Variants in DLG2 observed in about 807,000 individuals in gnomAD.
The protein encoded by DLG2 is discs large MAGUK scaffold protein 2.
DLG2 carries 45 observed loss-of-function variants against 132.5 expected under a neutral mutation model. That is an observed-to-expected ratio of 0.34 (90% confidence interval 0.27 to 0.44). The LOEUF (loss-of-function observed/expected upper bound fraction) is 0.44. DLG2 is among the 20% of genes least tolerant of loss of function. The pLI, the probability that DLG2 is intolerant of heterozygous loss-of-function variation, is 1.00. For synonymous variants in DLG2, 424 were observed against 419.6 expected, an observed-to-expected ratio of 1.01 and a Z score of -0.13; for missense variants, 1,045 against 1,196.9, an observed-to-expected ratio of 0.87 and a Z score of 1.87.
At chr11:85,440,670 T>C (rs2153029422) in intron 3 of DLG2, among the ~76,000 whole-genome samples, 1 of 152,354 alleles carries the variant, frequency 6.6e-6, no homozygotes, top group South Asian at 2.1e-4. Context: ...ATAGTGATGA[T>C]TACTTATTTT....
intron 3 of DLG2, among the ~76,000 whole-genome samples, chr11:85,378,623 A>G (rs2085624578): frequency 6.6e-6 from 1 of 152,088 alleles, no homozygotes; most frequent in South Asian, 2.1e-4. Flanking sequence ...AATCTAACTG[A>G]TTTTTATACA....
intron 12 of DLG2, among the ~76,000 whole-genome samples, chr11:83,976,806 T>A (rs2092288123): frequency 6.6e-6 from 1 of 151,916 alleles, no homozygotes; most frequent in South Asian, 2.1e-4. Flanking sequence ...ATTTTCGAAA[T>A]CATTTTTTTT....
chr11:84,152,202 T>C (rs2095312633), intron 9 of DLG2, among the ~76,000 whole-genome samples: 2 of 152,196 alleles, frequency 1.3e-5, no homozygotes, highest in East Asian at 1.9e-4. Context: ...TAGAAGTACC[T>C]GTTTTACAAA....
chr11:85,402,255 T>C (rs1238658632), intron 3 of DLG2, among the ~76,000 whole-genome samples: 2 of 152,154 alleles, frequency 1.3e-5, no homozygotes, highest in Non-Finnish European at 2.9e-5. Flanking sequence ...GATTCTCTAT[T>C]TAATAAATAG....
chr11:85,156,710 A>G (rs1009801271), intron 4 of DLG2, among the ~76,000 whole-genome samples: 4 of 152,206 alleles, frequency 2.6e-5, no homozygotes, highest in Admixed American at 2.0e-4. Context: ...AATTGGATCC[A>G]TCATCATACT....
intron 18 of DLG2, among the ~76,000 whole-genome samples, chr11:83,748,969 C>G (rs1242132516): frequency 6.6e-6 from 1 of 152,162 alleles, no homozygotes; most frequent in Non-Finnish European, 1.5e-5. Context: ...TTTTCATACT[C>G]TAACATTTTA....
chr11:85,176,401 G>C (rs192411287), intron 4 of DLG2, among the ~76,000 whole-genome samples: 1 of 152,146 alleles, frequency 6.6e-6, no homozygotes. Context: ...TAGGAGAACT[G>C]GCTAGCCAAA....
At chr11:84,813,842 C>G (rs532457448) in intron 6 of DLG2, among the ~76,000 whole-genome samples, 6 of 133,540 alleles carry the variant, frequency 4.5e-5, no homozygotes, top group African/African-American at 1.7e-4. Flanking sequence ...CTTCTCAGTA[C>G]CCCAGTGTTA....
intron 14 of DLG2, among the ~76,000 whole-genome samples, chr11:83,959,866 A>G (rs2088039406): frequency 6.6e-6 from 1 of 151,444 alleles, no homozygotes; most frequent in African/African-American, 2.5e-5. Context: ...TAAGAATATC[A>G]TATAAATAAT....
intron 14 of DLG2, among the ~76,000 whole-genome samples, chr11:83,945,531 G>T (rs61256660): frequency 0.018 from 2,735 of 152,162 alleles, 73 homozygotes; most frequent in African/African-American, 0.062. Flanking sequence ...AGAAAAGGCA[G>T]GCAAGATAGA....
intron 7 of DLG2, among the ~76,000 whole-genome samples, chr11:84,468,442 G>A (rs1276946853): frequency 1.3e-5 from 2 of 151,292 alleles, no homozygotes; most frequent in African/African-American, 4.8e-5. Context: ...CCCTGTGCAT[G>A]TTCCCTCCAC....
chr11:83,656,272 A>T (rs2072402808), intron 18 of DLG2, among the ~76,000 whole-genome samples: 1 of 152,212 alleles, frequency 6.6e-6, no homozygotes, highest in Non-Finnish European at 1.5e-5. Context: ...AATGAAAGTG[A>T]CTACAGGGTA....
At chr11:84,222,910 T>C (rs1480315789) in intron 8 of DLG2, among the ~76,000 whole-genome samples, 3 of 152,222 alleles carry the variant, frequency 2.0e-5, no homozygotes, top group African/African-American at 7.2e-5. Context: ...ATGTGTGGCA[T>C]AATGAAGATG....
intron 17 of DLG2, chr11:83,790,792 G>A (rs2153899234): frequency 1.3e-6 from 1 of 756,718 alleles, no homozygotes; most frequent in Non-Finnish European, 2.4e-6. Context: ...TCATCTTCGG[G>A]GAAAGAGCGC....
intron 6 of DLG2, among the ~76,000 whole-genome samples, chr11:84,603,002 A>C (rs1441972923): frequency 1.3e-5 from 2 of 152,048 alleles, no homozygotes; most frequent in Non-Finnish European, 2.9e-5. Flanking sequence ...TTTAGAATCA[A>C]AGTCCAGCTT....
intron 18 of DLG2, among the ~76,000 whole-genome samples, chr11:83,669,905 T>A (rs567630750): frequency 1.3e-5 from 2 of 152,326 alleles, no homozygotes; most frequent in African/African-American, 2.4e-5. Flanking sequence ...AAGGAAGAGC[T>A]ATGGATTTAA....
intron 3 of DLG2, among the ~76,000 whole-genome samples, chr11:85,377,017 G>T (rs892770797): frequency 6.6e-6 from 1 of 152,024 alleles, no homozygotes; most frequent in Non-Finnish European, 1.5e-5. Context: ...CATGAAATAG[G>T]TATTATTATT....
At chr11:83,507,767 TATA>T (rs2094799111) in intron 21 of DLG2, among the ~76,000 whole-genome samples, 1 of 21,090 alleles carries the variant, frequency 4.7e-5, no homozygotes, top group Non-Finnish European at 1.1e-4. Context: ...ATTATATATA[TATA>T]TATATATATA....
At chr11:83,536,919 CTTA>C (rs2095893776) in intron 20 of DLG2, among the ~76,000 whole-genome samples, 1 of 152,096 alleles carries the variant, frequency 6.6e-6, no homozygotes, top group Admixed American at 6.6e-5. Context: ...ATCACTTTTT[CTTA>C]TTGTTTTACT....
Sources: allele counts gnomAD v4.1 joint callset (sites outside exome capture counted in the v4.1 genomes callset), GRCh38; gene constraint gnomAD v4.1.1; transcripts MANE v1.5; gene names NCBI Gene and HGNC (gene_info 2026-07-23, HGNC 2026-07-21).